The following APBA1 variants were observed in gnomAD, a reference collection of about 807,000 sequenced individuals.
APBA1 encodes amyloid beta precursor protein binding family A member 1, also known as amyloid-beta A4 precursor protein-binding family A member 1.
APBA1 carries 55 observed loss-of-function variants against 86.6 expected under a neutral mutation model. That is an observed-to-expected ratio of 0.64 (90% CI 0.51 to 0.80). APBA1 has a LOEUF of 0.80. Ranked by LOEUF, APBA1 falls within the 30% of genes least tolerant of loss-of-function variation. The pLI, the probability that APBA1 is intolerant of heterozygous loss-of-function variation, is 0.00. For synonymous variants in APBA1, 511 were observed against 493.9 expected (o/e 1.03, Z -0.46); for missense variants, 1,090 against 1,183.0 (o/e 0.92, Z 1.15).
intron 1 of APBA1, among the ~76,000 whole-genome samples, chr9:69,541,425 G>A (rs1045046358): frequency 6.6e-6 from 1 of 151,956 alleles, no homozygotes; most frequent in Non-Finnish European, 1.5e-5. Flanking sequence ...ATATCTCATT[G>A]TAGTTTTGAT....
At chr9:69,542,748 G>T (rs149259853) in intron 1 of APBA1, among the ~76,000 whole-genome samples, 4 of 152,294 alleles carry the variant, frequency 2.6e-5, no homozygotes, top group African/African-American at 9.6e-5. Flanking sequence ...TATGTTTAAT[G>T]CCCCCTTTTA....
At chr9:69,465,060 C>T (rs749363951) in intron 5 of APBA1, 2 of 152,280 alleles carry the variant, frequency 1.3e-5, no homozygotes, top group African/African-American at 4.8e-5. Context: ...TACGCCTGAA[C>T]GGGCTCTGGG....
At chr9:69,535,398 G>C (rs1003449873) in intron 1 of APBA1, among the ~76,000 whole-genome samples, 1 of 152,064 alleles carries the variant, frequency 6.6e-6, no homozygotes, top group Non-Finnish European at 1.5e-5. Context: ...CTATCCCTTG[G>C]TAGTTTTTTC....
At chr9:69,556,983 C>T (rs745566084) in intron 1 of APBA1, among the ~76,000 whole-genome samples, 18 of 151,930 alleles carry the variant, frequency 1.2e-4, no homozygotes, top group Non-Finnish European at 1.9e-4. Flanking sequence ...TCTAGGTCAG[C>T]AAAAGATAAA....
chr9:69,512,714 C>A (rs1314428629), intron 2 of APBA1, among the ~76,000 whole-genome samples: 1 of 152,116 alleles, frequency 6.6e-6, no homozygotes, highest in Non-Finnish European at 1.5e-5. Context: ...CAATCTTTCA[C>A]ATGCTTACGA....
chr9:69,582,837 T>G (rs1029950191), intron 1 of APBA1, among the ~76,000 whole-genome samples: 2 of 152,224 alleles, frequency 1.3e-5, no homozygotes, highest in Non-Finnish European at 1.5e-5. Context: ...GAAGCTGTCA[T>G]GTTCACATAG....
chr9:69,620,661 A>G (rs1854704), intron 1 of APBA1, among the ~76,000 whole-genome samples: 1 of 152,168 alleles, frequency 6.6e-6, no homozygotes, highest in African/African-American at 2.4e-5. Flanking sequence ...TGGGCGACAG[A>G]GCGAGACTCC....
At position 69,538,524 on chromosome 9, in the gene APBA1, T is replaced by G. The variant is rs114089194; in HGVS notation, c.-69-21245A>C. On this transcript the variant is annotated intron_variant, in intron 1 of 12. Transcript: ENST00000265381. ...TGAGAACTCAAGTGGCTATTCCAAC[T>G]CTCTCTAGGAGCCATCCCCAACTTC... 7.3e-3 allele frequency among the ~76,000 whole-genome samples: 1,116 copies of G among 152,274 alleles called. 10 individuals carry two copies. The highest frequency in any genetic ancestry group is 0.025 in the African/African-American group (1,038 of 41,544).
At chr9:69,432,740 T>C in intron 11 of APBA1, 64 bp from the exon 12 acceptor site, 1 of 1,392,414 alleles carries the variant, frequency 7.2e-7, no homozygotes, top group Non-Finnish European at 9.4e-7. Flanking sequence ...GAAGGCCGTC[T>C]TTCCTGAAAG....
intron 1 of APBA1, among the ~76,000 whole-genome samples, chr9:69,598,763 C>G (rs1035901244): frequency 2.0e-5 from 3 of 152,160 alleles, no homozygotes; most frequent in Non-Finnish European, 4.4e-5. Flanking sequence ...TCCAGACTAG[C>G]CTTGGGCCTG....
intron 1 of APBA1, among the ~76,000 whole-genome samples, chr9:69,590,980 T>G (rs1822117210): frequency 6.6e-6 from 1 of 152,154 alleles, no homozygotes; most frequent in South Asian, 2.1e-4. Flanking sequence ...AATAGACCCG[T>G]GAAGAAAATC....
intron 2 of APBA1, among the ~76,000 whole-genome samples, chr9:69,496,712 C>T (rs1835804156): frequency 6.6e-6 from 1 of 152,104 alleles, no homozygotes; most frequent in Admixed American, 6.5e-5. Flanking sequence ...CAGCACTGGG[C>T]ATCTCTCAAA....
intron 1 of APBA1, among the ~76,000 whole-genome samples, chr9:69,568,059 T>A (rs1211259549): frequency 1.3e-5 from 2 of 152,128 alleles, no homozygotes; most frequent in East Asian, 3.8e-4. Context: ...GTATGAGAAA[T>A]GACATAGGAT....
chr9:69,572,766 C>G (rs952866122), intron 1 of APBA1, among the ~76,000 whole-genome samples: 1 of 152,198 alleles, frequency 6.6e-6, no homozygotes, highest in Admixed American at 6.5e-5. Flanking sequence ...TGATCTCCAT[C>G]CTGAATGCTT....
chr9:69,498,602 C>T (rs958182286), intron 2 of APBA1, among the ~76,000 whole-genome samples: 1 of 152,102 alleles, frequency 6.6e-6, no homozygotes, highest in Non-Finnish European at 1.5e-5. Context: ...ACCAGCAGAG[C>T]CTGTCTGTGT....
At chr9:69,440,402 A>G (rs993955341) in intron 11 of APBA1, among the ~76,000 whole-genome samples, 1 of 151,986 alleles carries the variant, frequency 6.6e-6, no homozygotes, top group African/African-American at 2.4e-5. Context: ...AGAGGCAGGC[A>G]GGCCTCCTTG....
chr9:69,660,347 G>T (rs1823726956), intron 1 of APBA1, among the ~76,000 whole-genome samples: 1 of 152,110 alleles, frequency 6.6e-6, no homozygotes, highest in Admixed American at 6.5e-5. Flanking sequence ...TTAAATTTTG[G>T]GGAAAGCATA....
intron 1 of APBA1, among the ~76,000 whole-genome samples, chr9:69,623,364 T>C (rs1196265819): frequency 2.0e-5 from 3 of 152,140 alleles, no homozygotes; most frequent in Non-Finnish European, 4.4e-5. Context: ...TTTTCTTTTT[T>C]TTTTTAAAGA....
intron 1 of APBA1, among the ~76,000 whole-genome samples, chr9:69,669,916 G>T (rs542200304): frequency 6.6e-6 from 1 of 152,200 alleles, no homozygotes; most frequent in East Asian, 1.9e-4. Context: ...AAACTTTCTT[G>T]TGAGACATTT....
Sources: gnomAD v4.1 joint callset for allele counts (sites outside exome capture counted in the v4.1 genomes callset) on GRCh38, gnomAD v4.1.1 for gene constraint, MANE v1.5 for transcripts, NCBI Gene and HGNC (gene_info 2026-07-23, HGNC 2026-07-21) for gene names.